The following PLXNA4 variants were observed in gnomAD, a reference collection of about 807,000 sequenced individuals.
PLXNA4 encodes the protein plexin A4.
Under a neutral mutation model 191.8 loss-of-function variants are expected in PLXNA4, and 44 were observed. That is an observed-to-expected ratio of 0.23 (90% confidence interval 0.18 to 0.29). The LOEUF is 0.29. Ranked by LOEUF, PLXNA4 falls within the 10% of genes least tolerant of loss-of-function variation. The pLI, the probability that PLXNA4 is intolerant of heterozygous loss-of-function variation, is 1.00. For missense variants in PLXNA4, 1,800 were observed against 2,488.8 expected, an observed-to-expected ratio of 0.72 and a Z score of 5.89; for synonymous variants, 1,082 against 1,009.5, an observed-to-expected ratio of 1.07 and a Z score of -1.36.
chr7:132,515,358 G>A (rs1798897101), intron 1 of PLXNA4, among the ~76,000 whole-genome samples: 1 of 152,176 alleles, frequency 6.6e-6, no homozygotes, highest in Non-Finnish European at 1.5e-5. Context: ...CTCTATGCCT[G>A]TACTTTCCGG....
intron 1 of PLXNA4, among the ~76,000 whole-genome samples, chr7:132,563,682 CCTCCTCCTCCTCCTT>C (rs1482832811): frequency 1.1e-3 from 129 of 120,350 alleles, no homozygotes; most frequent in African/African-American, 3.8e-3. Flanking sequence ...TCCTCTTTCT[CCTCCTCCTCCTCCTT>C]CTCCTCCTCC....
chr7:132,593,098 A>G (rs887526094), intron 2 of PLXNA4, among the ~76,000 whole-genome samples: 2 of 152,228 alleles, frequency 1.3e-5, no homozygotes, highest in Non-Finnish European at 2.9e-5. Context: ...CGTGAGGATG[A>G]TATAGCGCTT....
chr7:132,353,363 T>TAA (rs1051120190), intron 3 of PLXNA4, among the ~76,000 whole-genome samples: 1 of 152,160 alleles, frequency 6.6e-6, no homozygotes, highest in Non-Finnish European at 1.5e-5. Context: ...TGTTATGGTA[T>TAA]AAACTTAGCA....
At chr7:132,592,516 A>C in intron 2 of PLXNA4, among the ~76,000 whole-genome samples, 2 of 75,658 alleles carry the variant, frequency 2.6e-5, no homozygotes, top group African/African-American at 9.3e-5. Context: ...TATTTAATTT[A>C]ACCTTTTTTT....
At chr7:132,130,703 G>A in intron 31 of PLXNA4, 129 bp from the exon 32 acceptor site, 1 of 1,386,500 alleles carries the variant, frequency 7.2e-7, no homozygotes, top group Non-Finnish European at 9.9e-7. Context: ...GGGCACACAG[G>A]ACACTGCGGG....
intron 1 of PLXNA4, among the ~76,000 whole-genome samples, chr7:132,544,060 A>G (rs1379963846): frequency 6.6e-6 from 1 of 152,214 alleles, no homozygotes; most frequent in Admixed American, 6.5e-5. Context: ...AAATGATATG[A>G]TTTGCCCATT....
Position 132,576,448 on chromosome 7 carries a change from A to G in PLXNA4, c.-113T>C, listed in dbSNP as rs1043100388. Reference sequence around the variant, plus strand: ...TGGACGCGCCGCGTTTCCCTCCTTCAGCGGGAGCGCCGCATTGACACTGCA... The same window carrying G: ...TGGACGCGCCGCGTTTCCCTCCTTCGGCGGGAGCGCCGCATTGACACTGCA... On this transcript the variant is annotated 5_prime_UTR_variant, in exon 1 of 32. The change abolishes the stop of an existing upstream ORF in the 5' untranslated region. Coordinates refer to ENST00000321063, the MANE Select transcript of PLXNA4 (RefSeq NM_020911.2). The surrounding 1 kb of genome is among the most constrained non-coding windows in gnomAD (Gnocchi z 5.8). 19 of 985,028 alleles carry G rather than the reference A, an allele frequency of 1.9e-5. No individual in the cohort carries two copies. Among genetic ancestry groups the G allele is most frequent in the Non-Finnish European group, 2.3e-5 (19 of 829,792 alleles). The allele number at this position is 985,028 out of a possible 1,614,324, so 61.0% of individuals were successfully genotyped here.
chr7:132,450,167 C>T (rs1298110938), intron 3 of PLXNA4, among the ~76,000 whole-genome samples: 3 of 152,306 alleles, frequency 2.0e-5, no homozygotes, highest in East Asian at 1.9e-4. Flanking sequence ...ACAGAAGTTA[C>T]TAGGAGAGAT....
At chr7:132,445,011 G>A (rs914753388) in intron 3 of PLXNA4, among the ~76,000 whole-genome samples, 31 of 151,186 alleles carry the variant, frequency 2.1e-4, no homozygotes, top group Non-Finnish European at 8.8e-5. Context: ...AAAATTAGCC[G>A]GGCACAGTGG....
At chr7:132,590,070 A>G (rs1802576614) in intron 2 of PLXNA4, among the ~76,000 whole-genome samples, 1 of 152,246 alleles carries the variant, frequency 6.6e-6, no homozygotes, top group African/African-American at 2.4e-5. Flanking sequence ...ACATGCAAAT[A>G]CACACATAAC....
chr7:132,591,769 T>C (rs1802606792), intron 2 of PLXNA4, among the ~76,000 whole-genome samples: 1 of 152,208 alleles, frequency 6.6e-6, no homozygotes, highest in South Asian at 2.1e-4. Context: ...GTTGCCATTT[T>C]TAATGGCAAG....
chr7:132,331,600 T>A (rs868867749), intron 3 of PLXNA4, among the ~76,000 whole-genome samples: 8 of 152,218 alleles, frequency 5.3e-5, no homozygotes, highest in Non-Finnish European at 7.3e-5. Context: ...TAGGTCCAAG[T>A]GAACAGCTCA....
intron 2 of PLXNA4, among the ~76,000 whole-genome samples, chr7:132,586,620 G>A (rs1473508807): frequency 6.6e-6 from 1 of 152,192 alleles, no homozygotes; most frequent in African/African-American, 2.4e-5. Flanking sequence ...GGGCATCGTG[G>A]TGGGCACCTG....
chr7:132,375,592 G>A (rs1804628583), intron 3 of PLXNA4, among the ~76,000 whole-genome samples: 1 of 152,196 alleles, frequency 6.6e-6, no homozygotes, highest in Admixed American at 6.5e-5. Context: ...TGTGATCCAT[G>A]CCAACATGGA....
chr7:132,532,790 T>C (rs1346216542), intron 1 of PLXNA4, among the ~76,000 whole-genome samples: 1 of 152,228 alleles, frequency 6.6e-6, no homozygotes, highest in Non-Finnish European at 1.5e-5. Context: ...CCCATGCATG[T>C]CCTGTGCTTT....
chr7:132,136,492 G>A (rs1186294863), intron 30 of PLXNA4, among the ~76,000 whole-genome samples: 1 of 152,146 alleles, frequency 6.6e-6, no homozygotes, highest in Non-Finnish European at 1.5e-5. Context: ...GGTTCTTTTT[G>A]CTGAGTTGCT....
chr7:132,503,222 T>G (rs1322535489), intron 2 of PLXNA4, among the ~76,000 whole-genome samples: 1 of 152,182 alleles, frequency 6.6e-6, no homozygotes, highest in Non-Finnish European at 1.5e-5. Context: ...TCTCCTCCAC[T>G]GTGTGGGCTC....
chr7:132,315,570 T>G (rs1801911026), intron 3 of PLXNA4, among the ~76,000 whole-genome samples: 2 of 152,196 alleles, frequency 1.3e-5, no homozygotes, highest in Admixed American at 6.5e-5. Context: ...AGCTAACAAG[T>G]GCTGGATCTC....
At chr7:132,210,890 A>T in intron 10 of PLXNA4, 53 bp downstream of exon 10, 2 of 1,572,004 alleles carry the variant, frequency 1.3e-6, no homozygotes, top group Non-Finnish European at 8.7e-7. Flanking sequence ...GACAACAGTG[A>T]TGTGGGTGGG....
Sources: allele counts gnomAD v4.1 joint callset (sites outside exome capture counted in the v4.1 genomes callset), GRCh38; gene constraint gnomAD v4.1.1; non-coding constraint Gnocchi (gnomAD v3.1); transcripts MANE v1.5; gene names NCBI Gene and HGNC (gene_info 2026-07-23, HGNC 2026-07-21).